Variants in ALK observed in about 807,000 individuals in gnomAD.
ALK encodes ALK tyrosine kinase receptor.
Under a neutral mutation model 163.1 loss-of-function variants are expected in ALK, and 74 were observed. That is an observed-to-expected ratio of 0.45 (90% CI 0.38 to 0.55). The LOEUF is 0.55. Ranked by LOEUF, ALK falls within the 20% of genes least tolerant of loss-of-function variation. ALK has a pLI of 0.00. For synonymous variants in ALK, 960 were observed against 843.2 expected (o/e 1.14, Z -2.40); for missense variants, 2,063 against 2,105.3 (o/e 0.98, Z 0.39).
Position 29,920,457 on chromosome 2 carries a change from G to A in ALK, c.203C>T (p.Ala68Val). 8.1e-6 allele frequency: 13 copies of A among 1,612,002 alleles called. No individual in the cohort carries two copies. The highest frequency in any genetic ancestry group is 1.0e-5 in the Non-Finnish European group (12 of 1,179,308). ...FVVPSLFRVY[A>V]RDLLLPPSSS... ...GGATGGTGGCAGCAGTAGGTCCCGG[G>A]CGTAGACACGGAAGAGCGAGGGCAC... The change falls in exon 1 of 29, where the codon GCC becomes GTC. Residue 68 changes from alanine to valine, a missense_variant. Ala to Val is a moderately conservative substitution (Grantham distance 64). This residue lies in a region of ALK where 987 missense variants were observed against 939.5 expected (regional missense o/e 1.05). Coordinates refer to ENST00000389048, the MANE Select transcript of ALK (RefSeq NM_004304.5).
At chr2:29,448,059 G>A (rs1486035638) in intron 4 of ALK, among the ~76,000 whole-genome samples, 3 of 152,228 alleles carry the variant, frequency 2.0e-5, no homozygotes, top group Non-Finnish European at 4.4e-5. Flanking sequence ...AAGGCCAGAT[G>A]CAGCAATTTA....
intron 9 of ALK, among the ~76,000 whole-genome samples, chr2:29,277,365 G>C (rs1558649663): frequency 6.6e-6 from 1 of 152,152 alleles, no homozygotes; most frequent in Non-Finnish European, 1.5e-5. Context: ...GTTATTCCTG[G>C]CCAGAGAACA....
chr2:29,803,284 G>A (rs1425967898), intron 1 of ALK, among the ~76,000 whole-genome samples: 1 of 152,172 alleles, frequency 6.6e-6, no homozygotes, highest in African/African-American at 2.4e-5. Context: ...CAGCAGATGT[G>A]GGCAGAGAAT....
chr2:29,553,316 A>G (rs764483271), intron 3 of ALK, among the ~76,000 whole-genome samples: 2 of 152,214 alleles, frequency 1.3e-5, no homozygotes, highest in Non-Finnish European at 2.9e-5. Flanking sequence ...AGCAGAGAGC[A>G]GCCCTCACCA....
intron 1 of ALK, among the ~76,000 whole-genome samples, chr2:29,877,447 T>C (rs1666752536): frequency 6.6e-6 from 1 of 152,226 alleles, no homozygotes; most frequent in Non-Finnish European, 1.5e-5. Flanking sequence ...CATGTATTTT[T>C]TGGCTTATTG....
At chr2:29,435,387 C>G (rs1670372700) in intron 4 of ALK, among the ~76,000 whole-genome samples, 1 of 152,030 alleles carries the variant, frequency 6.6e-6, no homozygotes, top group East Asian at 1.9e-4. Flanking sequence ...GCCTATATGC[C>G]TCTGTCAGAG....
At chr2:29,358,532 C>T (rs1362317127) in intron 5 of ALK, among the ~76,000 whole-genome samples, 2 of 152,324 alleles carry the variant, frequency 1.3e-5, no homozygotes, top group Non-Finnish European at 2.9e-5. Flanking sequence ...ATGTGGCCCC[C>T]AGGAAGCAGA....
intron 4 of ALK, among the ~76,000 whole-genome samples, chr2:29,390,635 C>A (rs2148306819): frequency 1.3e-5 from 2 of 150,514 alleles, no homozygotes; most frequent in African/African-American, 4.9e-5. Context: ...GGAAAAAAAA[C>A]ACACAACTTT....
chr2:29,784,453 T>G (rs1239625120), intron 1 of ALK, among the ~76,000 whole-genome samples: 1 of 152,096 alleles, frequency 6.6e-6, no homozygotes, highest in Non-Finnish European at 1.5e-5. Flanking sequence ...CCCAGCACTT[T>G]GGAAGGCTGA....
chr2:29,604,104 G>T (rs954380863), intron 3 of ALK, among the ~76,000 whole-genome samples: 5 of 151,068 alleles, frequency 3.3e-5, no homozygotes, highest in African/African-American at 1.2e-4. Context: ...ATTACAATCT[G>T]TAGATCAAAT....
intron 4 of ALK, among the ~76,000 whole-genome samples, chr2:29,404,591 CA>C (rs1281467982): frequency 2.6e-5 from 4 of 151,996 alleles, no homozygotes; most frequent in African/African-American, 9.7e-5. Flanking sequence ...AAATAAAAAG[CA>C]AATAAGCCCA....
At chr2:29,219,319 G>A (rs1669721765) in intron 23 of ALK, among the ~76,000 whole-genome samples, 2 of 152,322 alleles carry the variant, frequency 1.3e-5, no homozygotes, top group South Asian at 4.1e-4. Flanking sequence ...TAGATACTGA[G>A]ATGCGTCACC....
chr2:29,240,294 A>G (rs1270383053), intron 12 of ALK, among the ~76,000 whole-genome samples: 1 of 152,162 alleles, frequency 6.6e-6, no homozygotes, highest in Non-Finnish European at 1.5e-5. Context: ...GACCTTAGAC[A>G]AGTAACTTCC....
chr2:29,663,838 A>T (rs1008431615), intron 3 of ALK, among the ~76,000 whole-genome samples: 3 of 152,208 alleles, frequency 2.0e-5, no homozygotes, highest in Admixed American at 6.5e-5. Context: ...AGGTCAGTAT[A>T]TGTATAATGC....
At chr2:29,318,987 C>T (rs1666922424) in intron 7 of ALK, 1 of 157,282 alleles carries the variant, frequency 6.4e-6, no homozygotes, top group Non-Finnish European at 1.4e-5. Flanking sequence ...GCACACTGGC[C>T]TCCCCAGCTC....
At chr2:29,485,859 G>T (rs766956180) in intron 4 of ALK, among the ~76,000 whole-genome samples, 33 of 152,276 alleles carry the variant, frequency 2.2e-4, no homozygotes, top group Non-Finnish European at 1.6e-4. Flanking sequence ...GGCCTCAGTG[G>T]CATTTTTTTT....
chr2:29,500,988 A>T (rs1015402770), intron 4 of ALK, among the ~76,000 whole-genome samples: 1 of 152,132 alleles, frequency 6.6e-6, no homozygotes. Flanking sequence ...TGCTTCCTGC[A>T]TTGCTGAGAA....
At chr2:29,411,307 G>T (rs1305088795) in intron 4 of ALK, among the ~76,000 whole-genome samples, 1 of 152,100 alleles carries the variant, frequency 6.6e-6, no homozygotes, top group East Asian at 1.9e-4. Context: ...GCCTGAGGCT[G>T]TTCTAGAGGA....
chr2:29,892,095 A>T (rs976576869), intron 1 of ALK, among the ~76,000 whole-genome samples: 5 of 152,124 alleles, frequency 3.3e-5, no homozygotes, highest in African/African-American at 1.2e-4. Flanking sequence ...CCCACCATGG[A>T]AGGATGTGGT....
Sources: allele counts gnomAD v4.1 joint callset (sites outside exome capture counted in the v4.1 genomes callset), GRCh38; gene constraint gnomAD v4.1.1; regional missense constraint gnomAD v4.1.1; transcripts MANE v1.5; gene names NCBI Gene and HGNC (gene_info 2026-07-23, HGNC 2026-07-21).